The following UNKL variants were observed in gnomAD, a reference collection of about 807,000 sequenced individuals.
UNKL encodes putative E3 ubiquitin-protein ligase UNKL.
A neutral mutation model predicts 78.0 loss-of-function variants in UNKL; 60 were observed. That is an observed-to-expected ratio of 0.77 (90% CI 0.63 to 0.95). The LOEUF is 0.95. UNKL is among the 40% of genes least tolerant of loss of function. The pLI is 0.00. For synonymous variants in UNKL, 608 were observed against 474.8 expected, an observed-to-expected ratio of 1.28 and a Z score of -3.65; for missense variants, 1,159 against 1,045.7, an observed-to-expected ratio of 1.11 and a Z score of -1.49.
At chr16:1,395,235 T>C (rs1187692986) in intron 6 of UNKL, among the ~76,000 whole-genome samples, 1 of 150,522 alleles carries the variant, frequency 6.6e-6, no homozygotes, top group Non-Finnish European at 1.5e-5. Context: ...TGGTGCCATC[T>C]TGGCCCACTG....
At position 1,364,270 on chromosome 16, in the gene UNKL, A is replaced by C. The variant is rs2035056178; in HGVS notation, c.*1970T>G. 6.6e-6 allele frequency: 1 copy of C among 152,238 alleles called. No homozygotes were observed. Among genetic ancestry groups the C allele is most frequent in the African/African-American group, 2.4e-5 (1 of 41,462 alleles). 9.4% of individuals were successfully genotyped at this position (152,238 alleles called of 1,614,324 possible). ...GGACCCACTTCCTTTAAAACAACAG[A>C]ATGTTGCTATCAGTTTGTCTTACGT... On this transcript the variant is annotated 3_prime_UTR_variant, in exon 15 of 15. Coordinates refer to ENST00000389221, the MANE Select transcript of UNKL (RefSeq NM_001372107.1).
chr16:1,367,958 C>T, intron 12 of UNKL, 100 bp from the exon 13 acceptor site: 1 of 1,105,664 alleles, frequency 9.0e-7, no homozygotes, highest in Non-Finnish European at 1.3e-6. Context: ...ACGTGGGCAC[C>T]CTCTGGGGCT....
rs999713606 is a variant in UNKL at position 1,399,644 on chromosome 16, G to A, written c.599-135C>T. 11 of 1,309,026 alleles carry A rather than the reference G, an allele frequency of 8.4e-6. No homozygotes were observed. The highest frequency in any genetic ancestry group is 2.5e-4 in the Middle Eastern group (1 of 4,006). 81.1% of individuals were successfully genotyped at this position (1,309,026 alleles called of 1,614,324 possible). A position where few individuals can be genotyped will look rare whatever the true frequency, so the allele number is the denominator to read the frequency against. ...GAGGACTTGGGGAGCGCAGACACAC[G>A]CCACGGCACACGCTGATGTCAAAGG... On this transcript the variant is annotated intron_variant, in intron 4 of 14. Transcript: ENST00000389221. This position sits in a 1 kb window ranked among gnomAD's most constrained non-coding sequence, Gnocchi z 5.8.
At chr16:1,411,904 A>T (rs2038057369) in intron 2 of UNKL, 1 of 152,254 alleles carries the variant, frequency 6.6e-6, no homozygotes, top group African/African-American at 2.4e-5. Flanking sequence ...TCCTTAAAAA[A>T]AATTTTTTTT....
intron 10 of UNKL, among the ~76,000 whole-genome samples, chr16:1,374,361 T>G (rs987762091): frequency 1.3e-5 from 2 of 152,218 alleles, no homozygotes; most frequent in South Asian, 4.1e-4. Context: ...TACTGGACAG[T>G]GTGCTGCTGA....
intron 10 of UNKL, among the ~76,000 whole-genome samples, chr16:1,375,125 C>T (rs2036119158): frequency 6.6e-6 from 1 of 152,192 alleles, no homozygotes; most frequent in African/African-American, 2.4e-5. Flanking sequence ...GGTCACACCC[C>T]CCGAGCCCCC....
At chr16:1,378,368 A>C (rs950608505) in intron 10 of UNKL, among the ~76,000 whole-genome samples, 8 of 152,250 alleles carry the variant, frequency 5.3e-5, no homozygotes, top group African/African-American at 1.9e-4. Context: ...CCCAAGTCCC[A>C]GGATCAGGAT....
chr16:1,382,816 G>T (rs1490846299), intron 10 of UNKL, among the ~76,000 whole-genome samples: 1 of 152,110 alleles, frequency 6.6e-6, no homozygotes, highest in African/African-American at 2.4e-5. Context: ...AAAACGGCCA[G>T]GTGTGGTGGC....
At chr16:1,406,379 A>AT (rs1217026980) in intron 2 of UNKL, among the ~76,000 whole-genome samples, 2 of 152,068 alleles carry the variant, frequency 1.3e-5, no homozygotes, top group Non-Finnish European at 2.9e-5. Context: ...TGCCTGGCTA[A>AT]TTTTTGTATA....
intron 8 of UNKL, among the ~76,000 whole-genome samples, chr16:1,392,274 A>G (rs938931356): frequency 1.3e-5 from 2 of 152,184 alleles, no homozygotes; most frequent in African/African-American, 2.4e-5. Context: ...CCTGCCTCGA[A>G]GCCGGGCGTG....
intron 9 of UNKL, among the ~76,000 whole-genome samples, chr16:1,388,716 C>T (rs1269860793): frequency 2.0e-5 from 3 of 152,076 alleles, no homozygotes; most frequent in Non-Finnish European, 2.9e-5. Flanking sequence ...GTGAGGATCC[C>T]GCACCTTCAC....
At chr16:1,405,993 G>A (rs1294067983) in intron 2 of UNKL, 2 of 456,648 alleles carry the variant, frequency 4.4e-6, no homozygotes, top group African/African-American at 2.0e-5. Context: ...GAGGCCCGTG[G>A]CCCATGTGGT....
In UNKL at chr16:1,391,160, T is replaced by TACACAC. The variant is rs59407356; in HGVS notation, c.1024-472_1024-467dup. ...GTGAGACTCTGTCTCCAAAAAAAAATACACACACACACACACACACACACA... is the reference window on the plus strand; with the variant it reads ...GTGAGACTCTGTCTCCAAAAAAAAATACACACACACACACACACACACACACACACA... On this transcript the variant is annotated intron_variant, in intron 8 of 14. Transcript: ENST00000389221. Among the ~76,000 whole-genome samples the TACACAC allele has an allele frequency of 6.3e-3, 909 of 144,702 alleles. 13 individuals are homozygous for TACACAC. The highest frequency in any genetic ancestry group is 0.022 in the African/African-American group (857 of 38,614). The allele number at this position is 144,702 out of a possible 152,430, so 94.9% of individuals were successfully genotyped here. A position where few individuals can be genotyped will look rare whatever the true frequency, so the allele number is the denominator to read the frequency against.
intron 10 of UNKL, among the ~76,000 whole-genome samples, chr16:1,377,885 CCT>C (rs766968943): frequency 1.2e-4 from 19 of 152,064 alleles, no homozygotes; most frequent in East Asian, 1.9e-4. Context: ...ACCCACACCC[CCT>C]GAGGCCCATG....
chr16:1,385,376 C>T lies in UNKL; in HGVS notation c.1096G>A (p.Ala366Thr). Reference protein sequence around the residue: ...SEQDSKQNHLAVFAAVHPPAP... With the variant: ...SEQDSKQNHLTVFAAVHPPAP... ...GGCGGGTGGACCGCTGCAAACACGG[C>T]CAGGTGGTTCTGTTCAAAGACATAA... Residue 366 changes from alanine (A) to threonine (T), a missense_variant, in exon 10 of 15, where the codon GCC becomes ACC. Ala to Thr is a moderately conservative substitution (Grantham distance 58, BLOSUM62 0). Coordinates refer to ENST00000389221, the MANE Select transcript of UNKL (RefSeq NM_001372107.1). 7 of 1,392,900 alleles carry T rather than the reference C, an allele frequency of 5.0e-6. No individual in the cohort carries two copies. Among genetic ancestry groups the T allele is most frequent in the Non-Finnish European group, 6.5e-6 (7 of 1,075,882 alleles). The allele number at this position is 1,392,900 out of a possible 1,614,324, so 86.3% of individuals were successfully genotyped here.
rs1029365819 is a variant in UNKL, at chr16:1,387,960, G to A, written c.1087-2575C>T. 6.6e-6 allele frequency among the ~76,000 whole-genome samples: 1 copy of A among 152,120 alleles called. No individual in the cohort carries two copies. The highest frequency in any genetic ancestry group is 2.4e-5 in the African/African-American group (1 of 41,430). On this transcript the variant is annotated intron_variant, in intron 9 of 14. Coordinates refer to ENST00000389221, the MANE Select transcript of UNKL (RefSeq NM_001372107.1). This position sits in a 1 kb window ranked among gnomAD's most constrained non-coding sequence, Gnocchi z 4.1. ...ACCAGTAGCCTAGAGGCCACCGCCCGGGTCACAGTCACCCCTGTGGATGTC... is the reference window on the plus strand; with the variant it reads ...ACCAGTAGCCTAGAGGCCACCGCCCAGGTCACAGTCACCCCTGTGGATGTC...
At chr16:1,402,182 C>G (rs950455331) in intron 3 of UNKL, among the ~76,000 whole-genome samples, 3 of 149,744 alleles carry the variant, frequency 2.0e-5, no homozygotes, top group Non-Finnish European at 2.9e-5. Context: ...CCCCAGTGAG[C>G]TGCCCTCCGG....
chr16:1,390,344 A>G (rs2036995298), intron 9 of UNKL, among the ~76,000 whole-genome samples: 3 of 152,182 alleles, frequency 2.0e-5, no homozygotes, highest in Admixed American at 2.0e-4. Context: ...AAAAAGTAAC[A>G]CAGATGGGCT....
intron 7 of UNKL, 25 bp from the exon 8 acceptor site, chr16:1,393,001 C>G: frequency 2.6e-6 from 4 of 1,549,714 alleles, no homozygotes; most frequent in Non-Finnish European, 3.5e-6. Flanking sequence ...GAGCAGCAGA[C>G]TCTGAGGGCC....
Sources: gnomAD v4.1 joint callset for allele counts (sites outside exome capture counted in the v4.1 genomes callset) on GRCh38, gnomAD v4.1.1 for gene constraint, Gnocchi (gnomAD v3.1) non-coding constraint, MANE v1.5 for transcripts, NCBI Gene and HGNC (gene_info 2026-07-23, HGNC 2026-07-21) for gene names.